The following CACNA1B variants were observed in gnomAD, a reference collection of about 807,000 sequenced individuals.
CACNA1B encodes the protein voltage-dependent N-type calcium channel subunit alpha-1B.
In CACNA1B, 70 loss-of-function variants were observed where a neutral mutation model predicts 247.2. The observed-to-expected ratio is 0.28, with a 90% CI of 0.23 to 0.35. CACNA1B has a LOEUF of 0.35. Among genes scored for constraint, CACNA1B ranks in the 10% least tolerant of loss-of-function variants. The pLI is 1.00. For synonymous variants in CACNA1B, 1,231 were observed against 1,294.4 expected (o/e 0.95, Z 1.05); for missense variants, 2,367 against 3,197.4 (o/e 0.74, Z 6.26).
chr9:137,901,199 CTG>C (rs1028823671), intron 3 of CACNA1B, among the ~76,000 whole-genome samples: 16 of 148,712 alleles, frequency 1.1e-4, no homozygotes, highest in African/African-American at 3.5e-4. Flanking sequence ...AGTGTCTGTA[CTG>C]TGTGTCTCTG....
At chr9:138,110,456 G>C (rs970185593) in intron 39 of CACNA1B, among the ~76,000 whole-genome samples, 8 of 152,048 alleles carry the variant, frequency 5.3e-5, no homozygotes, top group African/African-American at 1.9e-4. Flanking sequence ...GCAGTGGCTT[G>C]TACCTGCAAT....
chr9:137,984,877 T>C (rs535362194), intron 13 of CACNA1B, among the ~76,000 whole-genome samples: 23 of 152,290 alleles, frequency 1.5e-4, no homozygotes, highest in Admixed American at 7.8e-4. Flanking sequence ...CAGATGCAGG[T>C]AGTGAGAGAA....
intron 23 of CACNA1B, 45 bp from the exon 24 acceptor site, chr9:138,049,164 C>T (rs748737011): frequency 3.0e-6 from 4 of 1,324,132 alleles, no homozygotes; most frequent in Non-Finnish European, 4.4e-6. Flanking sequence ...CTCTGCCTGT[C>T]TTTTCTGGAC....
intron 36 of CACNA1B, among the ~76,000 whole-genome samples, chr9:138,086,332 A>G (rs1186704589): frequency 6.6e-6 from 1 of 151,278 alleles, no homozygotes; most frequent in Non-Finnish European, 1.5e-5. Context: ...GGAGTGCTAT[A>G]CTTACATCAG....
rs896061297 is a variant in CACNA1B, at chr9:137,973,548, A to G, written c.1543+1956A>G. Among the ~76,000 whole-genome samples, 3 of 152,170 alleles carry G rather than the reference A, an allele frequency of 2.0e-5. No homozygotes were observed. The highest frequency in any genetic ancestry group is 4.8e-5 in the African/African-American group (2 of 41,444). On this transcript the variant is annotated intron_variant, in intron 11 of 46. Transcript: ENST00000371372. This position sits in a 1 kb window ranked among gnomAD's most constrained non-coding sequence, Gnocchi z 4.1. Reference sequence around the variant, plus strand: ...TGTGAGCCCCTGGGGGGCCTTATGCAGCTCACCAGACTTGCTCACCCTCCC... The same window carrying G: ...TGTGAGCCCCTGGGGGGCCTTATGCGGCTCACCAGACTTGCTCACCCTCCC...
rs1173042158 is a variant in CACNA1B at position 138,010,755 on chromosome 9, T to C, written c.2160+678T>C. On this transcript the variant is annotated intron_variant, in intron 17 of 46. Coordinates refer to ENST00000371372, the MANE Select transcript of CACNA1B (RefSeq NM_000718.4). The surrounding 1 kb of genome is among the most constrained non-coding windows in gnomAD (Gnocchi z 5.3). ...GTCACTGTGTGCCCTCTTCTGCCTG[T>C]GCACCATCCCTGGACAGGTGTCTGC... is the stretch of plus-strand genomic sequence containing the variant. Among the ~76,000 whole-genome samples, 4 of 152,162 alleles carry C rather than the reference T, an allele frequency of 2.6e-5. No homozygotes were observed. The highest frequency in any genetic ancestry group is 9.7e-5 in the African/African-American group (4 of 41,438).
chr9:137,896,958 G>C (rs1315899442), intron 3 of CACNA1B, among the ~76,000 whole-genome samples: 2 of 152,146 alleles, frequency 1.3e-5, no homozygotes, highest in East Asian at 3.8e-4. Flanking sequence ...TGTAGGGTTT[G>C]TAATAGCTCG....
At chr9:138,096,758 A>G in intron 37 of CACNA1B, 147 bp downstream of exon 37, 1 of 635,344 alleles carries the variant, frequency 1.6e-6, no homozygotes, top group South Asian at 3.0e-5. Flanking sequence ...TTTCGTGTAG[A>G]GCAGCAGTGA....
chr9:138,013,992 C>T (rs192364208), intron 18 of CACNA1B, among the ~76,000 whole-genome samples: 2 of 152,268 alleles, frequency 1.3e-5, no homozygotes, highest in Non-Finnish European at 2.9e-5. Context: ...ACCCCCCACA[C>T]CTCCCATTCC....
chr9:138,118,143 G>A (rs1279970225), intron 43 of CACNA1B, 62 bp downstream of exon 43: 3 of 401,030 alleles, frequency 7.5e-6, no homozygotes, highest in East Asian at 1.3e-4. Flanking sequence ...GATGGGGGAT[G>A]TTTGAGACTG....
intron 31 of CACNA1B, among the ~76,000 whole-genome samples, chr9:138,066,763 A>G (rs1404368656): frequency 6.6e-6 from 1 of 152,240 alleles, no homozygotes; most frequent in Non-Finnish European, 1.5e-5. Flanking sequence ...AGAAATTTAC[A>G]GCCTTAATGT....
Position 138,011,230 on chromosome 9 carries a change from G to A in CACNA1B, c.2160+1153G>A, listed in dbSNP as rs1374572927. On this transcript the variant is annotated intron_variant, in intron 17 of 46. Transcript: ENST00000371372. This position sits in a 1 kb window ranked among gnomAD's most constrained non-coding sequence, Gnocchi z 4.2. The stretch of plus-strand genomic sequence containing the variant: ...TGCCGGGGTTGCCTTGGAGCCCGGG[G>A]CCCTAGCTGTCCTGGGTGGGCTGCA... 6.6e-6 allele frequency among the ~76,000 whole-genome samples: 1 copy of A among 152,210 alleles called. No homozygotes were observed. Among genetic ancestry groups the A allele is most frequent in the Admixed American group, 6.5e-5 (1 of 15,282 alleles).
rs938481588 is a variant in CACNA1B, at chr9:138,050,590, A to G, written c.3710+1275A>G. 6.6e-6 allele frequency among the ~76,000 whole-genome samples: 1 copy of G among 152,180 alleles called. No individual in the cohort carries two copies. Among genetic ancestry groups the G allele is most frequent in the African/African-American group, 2.4e-5 (1 of 41,446 alleles). ...CAGCTTAGGCCTTGGGAGTGGGAACACTGCAGCCAGGGGTCCCCCAGTCAG... is the reference window on the plus strand; with the variant it reads ...CAGCTTAGGCCTTGGGAGTGGGAACGCTGCAGCCAGGGGTCCCCCAGTCAG... On this transcript the variant is annotated intron_variant, in intron 24 of 46. Transcript: ENST00000371372. This position sits in a 1 kb window ranked among gnomAD's most constrained non-coding sequence, Gnocchi z 5.2.
chr9:138,105,172 C>T (rs1174523117), intron 38 of CACNA1B, among the ~76,000 whole-genome samples: 1 of 152,234 alleles, frequency 6.6e-6, no homozygotes, highest in African/African-American at 2.4e-5. Flanking sequence ...GAGGCAGAAG[C>T]CTCACTGGAC....
Position 137,971,018 on chromosome 9 carries a change from G to C in CACNA1B, c.1334-365G>C, listed in dbSNP as rs144880402. Among the ~76,000 whole-genome samples, 274 of 152,326 alleles carry C rather than the reference G, an allele frequency of 1.8e-3. No individual in the cohort carries two copies. The highest frequency in any genetic ancestry group is 6.3e-3 in the African/African-American group (263 of 41,580). On this transcript the variant is annotated intron_variant, in intron 10 of 46. Transcript: ENST00000371372. This position sits in a 1 kb window ranked among gnomAD's most constrained non-coding sequence, Gnocchi z 4.4. ...GGGCTATGCTGAAGAGATGGGATCT[G>C]GGGAGGGACTAACTCAGATTTATGT... is the stretch of plus-strand genomic sequence containing the variant.
chr9:138,121,336 G>A lies in CACNA1B; in HGVS notation c.6490-133G>A. On this transcript the variant is annotated intron_variant, in intron 46 of 46. Coordinates refer to ENST00000371372, the MANE Select transcript of CACNA1B (RefSeq NM_000718.4). The surrounding 1 kb of genome is among the most constrained non-coding windows in gnomAD (Gnocchi z 6.8). Reference sequence around the variant, plus strand: ...GCCTGTTGCCTCCCTGGTCACCGCAGCCCGTTGTCCCCCATTGCCTCCCTC... The same window carrying A: ...GCCTGTTGCCTCCCTGGTCACCGCAACCCGTTGTCCCCCATTGCCTCCCTC... 1.5e-6 allele frequency: 1 copy of A among 659,626 alleles called. No individual in the cohort carries two copies. Among genetic ancestry groups the A allele is most frequent in the Non-Finnish European group, 2.5e-6 (1 of 403,960 alleles). The allele number at this position is 659,626 out of a possible 1,614,324, so 40.9% of individuals were successfully genotyped here. A position where few individuals can be genotyped will look rare whatever the true frequency, so the allele number is the denominator to read the frequency against.
At chr9:138,076,128 G>A (rs1044862959) in intron 35 of CACNA1B, among the ~76,000 whole-genome samples, 16 of 152,174 alleles carry the variant, frequency 1.1e-4, no homozygotes, top group Admixed American at 1.0e-3. Flanking sequence ...ACAGGCTGAA[G>A]GGAAGCCCTG....
intron 10 of CACNA1B, among the ~76,000 whole-genome samples, chr9:137,967,120 C>A (rs1349109948): frequency 6.6e-6 from 1 of 152,156 alleles, no homozygotes; most frequent in Non-Finnish European, 1.5e-5. Flanking sequence ...CTCCTCTCCT[C>A]CCTTGCTTAT....
At chr9:138,013,973 T>C (rs540798456) in intron 18 of CACNA1B, among the ~76,000 whole-genome samples, 16 of 152,352 alleles carry the variant, frequency 1.1e-4, no homozygotes, top group African/African-American at 3.6e-4. Flanking sequence ...TCCGTCTGGC[T>C]GCATGCCCAC....
Sources: gnomAD v4.1 joint callset for allele counts (sites outside exome capture counted in the v4.1 genomes callset) on GRCh38, gnomAD v4.1.1 for gene constraint, Gnocchi (gnomAD v3.1) non-coding constraint, MANE v1.5 for transcripts, NCBI Gene and HGNC (gene_info 2026-07-23, HGNC 2026-07-21) for gene names.